The following VTI1A variants were observed in gnomAD, a reference collection of about 807,000 sequenced individuals.
The protein encoded by VTI1A is vesicle transport through interaction with t-SNAREs homolog 1A.
VTI1A carries 22 observed loss-of-function variants against 34.9 expected under a neutral mutation model. That is an observed-to-expected ratio of 0.63 (90% CI 0.45 to 0.90). The LOEUF is 0.90. VTI1A is among the 40% of genes least tolerant of loss of function. The probability of loss-of-function intolerance (pLI) is 0.00; values close to 1 mark genes in which losing one functional copy is unlikely to be tolerated. For missense variants in VTI1A, 268 were observed against 275.6 expected (o/e 0.97, Z 0.20); for synonymous variants, 87 against 97.3 (o/e 0.89, Z 0.62).
chr10:112,645,878 C>T (rs1846759843), intron 5 of VTI1A, among the ~76,000 whole-genome samples: 1 of 150,650 alleles, frequency 6.6e-6, no homozygotes, highest in Admixed American at 6.6e-5. Flanking sequence ...TCTATCCATC[C>T]ATCCTAGAAG....
At chr10:112,524,578 A>T (rs1850150829) in intron 3 of VTI1A, among the ~76,000 whole-genome samples, 1 of 152,146 alleles carries the variant, frequency 6.6e-6, no homozygotes, top group Admixed American at 6.6e-5. Flanking sequence ...CTGAGCATGT[A>T]CACTCTTAAT....
chr10:112,825,528 G>A, the VTI1A span: 2 of 152,314 alleles, frequency 1.3e-5, no homozygotes, highest in Non-Finnish European at 2.9e-5. Context: ...TCTGCTATGG[G>A]TTGGGGCAGG....
At chr10:112,662,607 T>C (rs1003399852) in intron 5 of VTI1A, among the ~76,000 whole-genome samples, 1 of 152,222 alleles carries the variant, frequency 6.6e-6, no homozygotes, top group East Asian at 1.9e-4. Context: ...CTAAAATCTT[T>C]ATGTGCTAAC....
chr10:112,829,246 C>G, the VTI1A span, among the ~76,000 whole-genome samples: 16 of 150,596 alleles, frequency 1.1e-4, no homozygotes, highest in Non-Finnish European at 2.1e-4. Flanking sequence ...AGATCGAGAC[C>G]ATCCGGGCTA....
intron 3 of VTI1A, among the ~76,000 whole-genome samples, chr10:112,505,865 T>A (rs1419958873): frequency 6.6e-6 from 1 of 152,022 alleles, no homozygotes; most frequent in African/African-American, 2.4e-5. Context: ...TTTTTAATAT[T>A]CTGTTCTATC....
At chr10:112,538,491 T>C in intron 5 of VTI1A, 161 bp downstream of exon 5, 1 of 636,132 alleles carries the variant, frequency 1.6e-6, no homozygotes, top group Non-Finnish European at 2.7e-6. Flanking sequence ...CTTATCTTTT[T>C]TCAAGTTAAA....
chr10:112,716,562 A>G (rs939161477), intron 7 of VTI1A, among the ~76,000 whole-genome samples: 2 of 152,108 alleles, frequency 1.3e-5, no homozygotes, highest in South Asian at 2.1e-4. Context: ...GTGTTAGCCA[A>G]TGAAGAGAGA....
intron 3 of VTI1A, among the ~76,000 whole-genome samples, chr10:112,476,994 T>A (rs996772989): frequency 1.3e-5 from 2 of 152,156 alleles, no homozygotes; most frequent in African/African-American, 4.8e-5. Context: ...TTAAACTGTG[T>A]AATAGTGGTT....
At chr10:112,686,614 GT>G (rs1848425584) in intron 7 of VTI1A, among the ~76,000 whole-genome samples, 1 of 152,160 alleles carries the variant, frequency 6.6e-6, no homozygotes, top group South Asian at 2.1e-4. Flanking sequence ...CTTCTTTGAG[GT>G]TTAAGTGTCC....
intron 7 of VTI1A, among the ~76,000 whole-genome samples, chr10:112,752,897 A>G (rs988771597): frequency 6.6e-6 from 1 of 151,914 alleles, no homozygotes; most frequent in East Asian, 1.9e-4. Context: ...TTTTTTACCA[A>G]TGCCCTTTTT....
intron 7 of VTI1A, among the ~76,000 whole-genome samples, chr10:112,698,228 G>A (rs777397677): frequency 2.6e-5 from 4 of 152,130 alleles, no homozygotes; most frequent in Non-Finnish European, 4.4e-5. Flanking sequence ...CCTAGCTGTG[G>A]GAAAGGAACC....
chr10:112,756,263 C>T (rs1368534985), intron 7 of VTI1A, among the ~76,000 whole-genome samples: 2 of 152,178 alleles, frequency 1.3e-5, no homozygotes, highest in Admixed American at 1.3e-4. Flanking sequence ...TTATGCTTAT[C>T]AATCTTTTTC....
chr10:112,488,933 A>G (rs1177082847), intron 3 of VTI1A, among the ~76,000 whole-genome samples: 2 of 152,234 alleles, frequency 1.3e-5, no homozygotes, highest in Non-Finnish European at 2.9e-5. Flanking sequence ...CTTTGATGTC[A>G]TCCTTTTATT....
intron 4 of VTI1A, 98 bp downstream of exon 4, chr10:112,527,262 C>A: frequency 1.0e-6 from 1 of 1,003,056 alleles, no homozygotes; most frequent in Non-Finnish European, 1.5e-6. Context: ...GTATTAGCAG[C>A]AACTCATGTG....
intron 3 of VTI1A, among the ~76,000 whole-genome samples, chr10:112,501,205 A>G (rs749969614): frequency 2.6e-5 from 4 of 152,168 alleles, no homozygotes; most frequent in Non-Finnish European, 4.4e-5. Context: ...ATAGAACCCT[A>G]TATCTGTAGT....
intron 7 of VTI1A, among the ~76,000 whole-genome samples, chr10:112,697,558 A>G (rs901542502): frequency 6.6e-6 from 1 of 151,798 alleles, no homozygotes; most frequent in African/African-American, 2.4e-5. Flanking sequence ...CATCATGCCC[A>G]GCTAATTTTG....
chr10:112,546,070 GTA>G (rs1851100489), intron 5 of VTI1A, among the ~76,000 whole-genome samples: 1 of 143,538 alleles, frequency 7.0e-6, no homozygotes, highest in African/African-American at 2.8e-5. Flanking sequence ...GTATGTGTGT[GTA>G]TATACGTGTA....
intron 5 of VTI1A, among the ~76,000 whole-genome samples, chr10:112,589,748 G>A (rs192798922): frequency 1.9e-4 from 29 of 152,228 alleles, no homozygotes; most frequent in African/African-American, 6.3e-4. Flanking sequence ...GAGCTTAGTT[G>A]TTTGCTGAAG....
downstream of VTI1A, among the ~76,000 whole-genome samples, chr10:112,821,841 C>G (rs749208333): frequency 6.6e-6 from 1 of 152,150 alleles, no homozygotes; most frequent in Non-Finnish European, 1.5e-5. Context: ...ACCAGACTGT[C>G]CCTCCCCGTG....
Sources: gnomAD v4.1 joint callset for allele counts (sites outside exome capture counted in the v4.1 genomes callset) on GRCh38, gnomAD v4.1.1 for gene constraint, MANE v1.5 for transcripts, NCBI Gene and HGNC (gene_info 2026-07-23, HGNC 2026-07-21) for gene names.